The following SKAP1 variants were observed in gnomAD, a reference collection of about 807,000 sequenced individuals.
SKAP1 encodes src kinase-associated phosphoprotein 1.
In SKAP1, 44 loss-of-function variants were observed where a neutral mutation model predicts 58.5. The ratio of observed to expected loss-of-function variants is 0.75; its 90% CI spans 0.59 to 0.97. The LOEUF is 0.97. Ranked by LOEUF, SKAP1 falls within the 50% of genes least tolerant of loss-of-function variation. The pLI is 0.00. For synonymous variants in SKAP1, 127 were observed against 149.7 expected (o/e 0.85, Z 1.11); for missense variants, 390 against 435.2 (o/e 0.90, Z 0.92).
chr17:48,284,582 C>T (rs1241961326), intron 4 of SKAP1, among the ~76,000 whole-genome samples: 1 of 151,954 alleles, frequency 6.6e-6, no homozygotes, highest in Non-Finnish European at 1.5e-5. Flanking sequence ...CCAAAAAGCA[C>T]AGTTGGCATG....
intron 10 of SKAP1, among the ~76,000 whole-genome samples, chr17:48,166,656 G>A (rs1259982538): frequency 6.6e-6 from 1 of 152,144 alleles, no homozygotes; most frequent in Admixed American, 6.5e-5. Context: ...GTGTCAATAA[G>A]GCCTGGCATT....
At chr17:48,439,654 A>C in the SKAP1 span, among the ~76,000 whole-genome samples, 2 of 152,226 alleles carry the variant, frequency 1.3e-5, no homozygotes. Context: ...GGGATCCTTC[A>C]TAAGCTATAT....
chr17:48,223,344 C>T (rs1409225664), intron 4 of SKAP1, among the ~76,000 whole-genome samples: 1 of 152,138 alleles, frequency 6.6e-6, no homozygotes, highest in African/African-American at 2.4e-5. Flanking sequence ...TTTCTGACTT[C>T]TCTGGAGTGG....
chr17:48,255,051 ACTC>A (rs1447317892), intron 4 of SKAP1, among the ~76,000 whole-genome samples: 1 of 151,954 alleles, frequency 6.6e-6, no homozygotes, highest in African/African-American at 2.4e-5. Flanking sequence ...ATGGGCTAGT[ACTC>A]CTCCTTCAAA....
chr17:48,274,638 G>A (rs902372226), intron 4 of SKAP1, among the ~76,000 whole-genome samples: 8 of 151,990 alleles, frequency 5.3e-5, no homozygotes, highest in Non-Finnish European at 1.0e-4. Context: ...GGAGGTTGCG[G>A]TGAGCTGAGA....
intron 4 of SKAP1, among the ~76,000 whole-genome samples, chr17:48,297,989 TCTC>T (rs1170901171): frequency 6.6e-6 from 1 of 152,118 alleles, no homozygotes; most frequent in Non-Finnish European, 1.5e-5. Context: ...TTCAGAAAGA[TCTC>T]TTCTGTTTGC....
intron 1 of SKAP1, among the ~76,000 whole-genome samples, chr17:48,405,900 A>G (rs374791592): frequency 2.0e-5 from 3 of 152,292 alleles, no homozygotes. Flanking sequence ...CAGTGCAGAT[A>G]TAGAGGATTC....
At chr17:48,249,001 C>T (rs1334774247) in intron 4 of SKAP1, 2 of 152,096 alleles carry the variant, frequency 1.3e-5, no homozygotes, top group Non-Finnish European at 2.9e-5. Context: ...CGAGACCATC[C>T]TGGCTAACAC....
chr17:48,139,242 T>G (rs1316721634), intron 11 of SKAP1, among the ~76,000 whole-genome samples: 3 of 150,090 alleles, frequency 2.0e-5, no homozygotes, highest in Non-Finnish European at 4.4e-5. Flanking sequence ...AGTGCAGTGG[T>G]GAGATCTCAG....
chr17:48,298,750 C>A (rs7217664), intron 4 of SKAP1, among the ~76,000 whole-genome samples: 14,115 of 152,074 alleles, frequency 0.093, 1,005 homozygotes, highest in African/African-American at 0.17. Flanking sequence ...GATATTTTTT[C>A]TATTTTCCAG....
chr17:48,242,012 G>A (rs527522990), intron 4 of SKAP1, among the ~76,000 whole-genome samples: 8 of 152,266 alleles, frequency 5.3e-5, no homozygotes, highest in Admixed American at 5.2e-4. Context: ...GGTTAATGAG[G>A]TTGAGTTAAG....
chr17:48,193,096 T>G (rs2064571155), intron 4 of SKAP1, among the ~76,000 whole-genome samples: 1 of 152,106 alleles, frequency 6.6e-6, no homozygotes, highest in African/African-American at 2.4e-5. Context: ...GGCTGGAGTG[T>G]AATGGTGTGA....
chr17:48,388,376 G>A (rs945415530), intron 2 of SKAP1, among the ~76,000 whole-genome samples: 1 of 152,172 alleles, frequency 6.6e-6, no homozygotes, highest in Non-Finnish European at 1.5e-5. Context: ...AGAGGTTGCA[G>A]TAAGCCGAGA....
In SKAP1 at chr17:48,268,707, G is replaced by A. The variant is rs2065587731; in HGVS notation, c.280+77198C>T. Among the ~76,000 whole-genome samples, 4 of 152,088 alleles carry A rather than the reference G, an allele frequency of 2.6e-5. No homozygotes were observed. In the South Asian group the frequency reaches 8.3e-4, roughly 32 times the overall value. ...GGGTCTCACCATGTTGGCCAGGCTG[G>A]TCTTGAACTCCTGATCTCAAATGAT... On this transcript the variant is annotated intron_variant, in intron 4 of 12. Coordinates refer to ENST00000336915, the MANE Select transcript of SKAP1 (RefSeq NM_003726.4).
Position 48,430,086 on chromosome 17 carries a change from C to T in SKAP1, c.35G>A (p.Trp12Ter). The T allele has an allele frequency of 7.9e-7, 1 of 1,266,822 alleles. No homozygotes were observed. Among genetic ancestry groups the T allele is most frequent in the Non-Finnish European group, 1.0e-6 (1 of 998,148 alleles). 78.5% of individuals were successfully genotyped at this position (1,266,822 alleles called of 1,614,324 possible). A position where few individuals can be genotyped will look rare whatever the true frequency, so the allele number is the denominator to read the frequency against. ...QAAALPEEIR[W>*]LLEDAEEFLA... The stretch of plus-strand genomic sequence containing the variant: ...CGCCAGGGCGTTACCTTCCAGGAGC[C>T]AACGGATCTCCTCAGGGAGGGCGGC... The change falls in exon 1 of 13, where the codon TGG becomes TAG. Residue 12 changes from tryptophan (W) to a stop codon, truncating the protein, a stop_gained. Transcript: ENST00000336915. LOFTEE classifies it high-confidence loss of function.
chr17:48,198,197 T>C (rs2064667678), intron 4 of SKAP1, among the ~76,000 whole-genome samples: 3 of 152,268 alleles, frequency 2.0e-5, no homozygotes, highest in Middle Eastern at 3.4e-3. Flanking sequence ...GGCTCACGCC[T>C]GTAATCCTAG....
chr17:48,393,960 G>A (rs751158013), intron 2 of SKAP1, among the ~76,000 whole-genome samples: 2 of 152,106 alleles, frequency 1.3e-5, no homozygotes, highest in African/African-American at 2.4e-5. Context: ...AATAGGCCAG[G>A]CACAGAGACT....
chr17:48,299,917 TAA>T (rs1304646600), intron 4 of SKAP1, among the ~76,000 whole-genome samples: 1 of 152,072 alleles, frequency 6.6e-6, no homozygotes, highest in Non-Finnish European at 1.5e-5. Flanking sequence ...TGATGATGAA[TAA>T]TCCTGTGAGG....
intron 4 of SKAP1, among the ~76,000 whole-genome samples, chr17:48,195,403 T>A (rs901706671): frequency 2.0e-5 from 3 of 152,236 alleles, no homozygotes; most frequent in African/African-American, 7.2e-5. Context: ...CCATTTGATA[T>A]CCACCTGAGT....
Sources: allele counts gnomAD v4.1 joint callset (sites outside exome capture counted in the v4.1 genomes callset), GRCh38; gene constraint gnomAD v4.1.1; transcripts MANE v1.5; gene names NCBI Gene and HGNC (gene_info 2026-07-23, HGNC 2026-07-21).